Variants in RRP12 observed in about 807,000 individuals in gnomAD.
RRP12 encodes ribosomal RNA processing 12 homolog.
RRP12 carries 78 observed loss-of-function variants against 157.3 expected under a neutral mutation model. The ratio of observed to expected loss-of-function variants is 0.50; its 90% CI spans 0.41 to 0.60. The LOEUF is 0.60. Among genes scored for constraint, RRP12 ranks in the 20% least tolerant of loss-of-function variants. RRP12 has a pLI of 0.00. For synonymous variants in RRP12, 726 were observed against 670.9 expected (o/e 1.08, Z -1.27); for missense variants, 1,521 against 1,679.9 (o/e 0.91, Z 1.65).
chr10:97,366,764 GCTCCTCCTC>G lies in RRP12; in HGVS notation c.3184_3192del (p.Glu1062_Glu1064del). The G allele has an allele frequency of 6.2e-7, 1 of 1,603,414 alleles. No homozygotes were observed. The highest frequency in any genetic ancestry group is 8.5e-7 in the Non-Finnish European group (1 of 1,172,456). ...CACCTGTCACCTTTGCCCTGGGCGGGCTCCTCCTCCTCCTCCTCCTCTTCTTCCTCCTCC... is the reference window on the plus strand; with the variant it reads ...CACCTGTCACCTTTGCCCTGGGCGGGCTCCTCCTCCTCTTCTTCCTCCTCC... On this transcript the variant is annotated inframe_deletion, in exon 27 of 34. Coordinates refer to ENST00000370992, the MANE Select transcript of RRP12 (RefSeq NM_015179.4).
At position 97,358,555 on chromosome 10, in the gene RRP12, C is replaced by T; in HGVS notation, c.3773G>A (p.Arg1258Lys). 6.2e-7 allele frequency: 1 copy of T among 1,613,940 alleles called. No individual in the cohort carries two copies. Among genetic ancestry groups the T allele is most frequent in the Non-Finnish European group, 8.5e-7 (1 of 1,179,912 alleles). Residue 1258 changes from arginine to lysine, a missense_variant, in exon 33 of 34, where the codon AGA (arginine) becomes AAA (lysine). Transcript: ENST00000370992. ...GTCATACCTGCGGTTGAGCTTGCTT[C>T]TGTTGAGGGGGATGTAGGCATAGGG... is the stretch of plus-strand genomic sequence containing the variant. Reference protein sequence around the residue: ...PDPYAYIPLNRSKLNRRKKMK... With the variant: ...PDPYAYIPLNKSKLNRRKKMK...
At chr10:97,388,217 G>GC in intron 8 of RRP12, 35 bp downstream of exon 8, 1 of 1,612,456 alleles carries the variant, frequency 6.2e-7, no homozygotes, top group Non-Finnish European at 8.5e-7. Context: ...ACCACTGCAG[G>GC]TCCCCCTTTC....
intron 31 of RRP12, among the ~76,000 whole-genome samples, chr10:97,360,296 G>T (rs1156793152): frequency 6.6e-6 from 1 of 152,162 alleles, no homozygotes; most frequent in African/African-American, 2.4e-5. Context: ...AAGGAGCTGT[G>T]GCTCAGGGCT....
At chr10:97,396,068 C>G in intron 3 of RRP12, 150 bp downstream of exon 3, 2 of 615,520 alleles carry the variant, frequency 3.2e-6, no homozygotes, top group Non-Finnish European at 5.9e-6. Flanking sequence ...ATACCACCAG[C>G]CTTCCTAAGC....
At chr10:97,395,804 A>T (rs9787454) in intron 3 of RRP12, among the ~76,000 whole-genome samples, 57,095 of 150,112 alleles carry the variant, frequency 0.38, 11,340 homozygotes, top group African/African-American at 0.49. Flanking sequence ...TAAGTTGAGA[A>T]CATGCCATTG....
At chr10:97,374,281 T>C (rs140339185) in intron 15 of RRP12, among the ~76,000 whole-genome samples, 12 of 152,210 alleles carry the variant, frequency 7.9e-5, no homozygotes, top group African/African-American at 2.6e-4. Context: ...GCGATCCTCC[T>C]ACCTCAGCCT....
At chr10:97,387,343 T>C (rs1844662947) in intron 8 of RRP12, among the ~76,000 whole-genome samples, 1 of 150,654 alleles carries the variant, frequency 6.6e-6, no homozygotes, top group Non-Finnish European at 1.5e-5. Context: ...TCCTTTTTTT[T>C]TTTTTTTGAC....
intron 19 of RRP12, among the ~76,000 whole-genome samples, 180 bp downstream of exon 19, chr10:97,372,556 A>G (rs1414994697): frequency 6.6e-6 from 1 of 152,136 alleles, no homozygotes; most frequent in African/African-American, 2.4e-5. Flanking sequence ...TCCCTACCAG[A>G]CTAAATGGCC....
rs1028622277 is a variant in RRP12 at position 97,365,968 on chromosome 10, G to C, written c.3517+140C>G. 49 of 1,104,602 alleles carry C rather than the reference G, an allele frequency of 4.4e-5. 1 individual carries two copies. The East Asian group carries it at 1.1e-3, about 25-fold the overall frequency. 68.4% of individuals were successfully genotyped at this position (1,104,602 alleles called of 1,614,324 possible). A position where few individuals can be genotyped will look rare whatever the true frequency, so the allele number is the denominator to read the frequency against. On this transcript the variant is annotated intron_variant, in intron 29 of 33. Coordinates refer to ENST00000370992, the MANE Select transcript of RRP12 (RefSeq NM_015179.4). ...GATTTCTTAATGTTTCTCAAAAAAA[G>C]TTTGAGAAACTCAAAAAGTTTGAGG...
rs556861228 is a variant in RRP12 at position 97,396,316 on chromosome 10, G to C, written c.370-15C>G. Reference sequence around the variant, plus strand: ...ACAGCACAGATCTGCACAGGAGGGAGAAAGCACTGTGACTATTTTAGACCT... The same window carrying C: ...ACAGCACAGATCTGCACAGGAGGGACAAAGCACTGTGACTATTTTAGACCT... On this transcript the variant is annotated splice_polypyrimidine_tract_variant and intron_variant, in intron 2 of 33. Transcript: ENST00000370992. 5.3e-5 allele frequency: 86 copies of C among 1,607,614 alleles called. 2 individuals are homozygous for C. The South Asian group carries it at 8.8e-4, about 16-fold the overall frequency.
chr10:97,377,977 A>T (rs892507361), intron 15 of RRP12, among the ~76,000 whole-genome samples: 7 of 152,224 alleles, frequency 4.6e-5, no homozygotes, highest in Non-Finnish European at 1.0e-4. Context: ...TTCTGAAGCC[A>T]TCACTAGGCT....
chr10:97,381,574 A>G, intron 11 of RRP12, 91 bp from the exon 12 acceptor site: 2 of 1,256,060 alleles, frequency 1.6e-6, no homozygotes, highest in Non-Finnish European at 2.2e-6. Context: ...GGAGTCTAAG[A>G]AAGCTTCGAA....
intron 3 of RRP12, among the ~76,000 whole-genome samples, chr10:97,394,058 T>C (rs1031607308): frequency 6.6e-6 from 1 of 152,162 alleles, no homozygotes; most frequent in Non-Finnish European, 1.5e-5. Flanking sequence ...ACTATATATA[T>C]GTGGCTGGGC....
intron 15 of RRP12, among the ~76,000 whole-genome samples, chr10:97,375,359 C>A (rs1000723968): frequency 6.6e-6 from 1 of 152,090 alleles, no homozygotes; most frequent in Non-Finnish European, 1.5e-5. Context: ...CTGCCTCAGA[C>A]TCTCAGAGTG....
chr10:97,397,767 CT>C (rs1179964318), intron 2 of RRP12, among the ~76,000 whole-genome samples: 1 of 150,956 alleles, frequency 6.6e-6, no homozygotes, highest in East Asian at 2.0e-4. Context: ...CAAGACCAAT[CT>C]GGGCAATATG....
chr10:97,388,722 T>C, intron 6 of RRP12, 98 bp from the exon 7 acceptor site: 1 of 1,435,240 alleles, frequency 7.0e-7, no homozygotes, highest in East Asian at 2.3e-5. Context: ...TTGGCTGAAA[T>C]ATAGATCCAA....
At position 97,372,713 on chromosome 10, in the gene RRP12, G is replaced by A. The variant is rs1844191237; in HGVS notation, c.2249+23C>T. The A allele has an allele frequency of 3.9e-6, 6 of 1,551,004 alleles. No individual in the cohort carries two copies. The African/African-American group carries it at 5.5e-5, about 14-fold the overall frequency. On this transcript the variant is annotated intron_variant, in intron 19 of 33. Transcript: ENST00000370992. ...AGCTCCCTGGGCTGCTCCAGCTCAA[G>A]TGGGAGGCCCTGAGCATGTTACCTG... is the stretch of plus-strand genomic sequence containing the variant.
chr10:97,401,047 G>A (rs766858734), intron 1 of RRP12, 46 bp downstream of exon 1: 26 of 1,601,126 alleles, frequency 1.6e-5, no homozygotes, highest in Non-Finnish European at 2.2e-5. Context: ...ACCCAGGTCT[G>A]CCTGGAACCC....
rs763828455 is a variant in RRP12 at position 97,373,860 on chromosome 10, T to A, written c.1833A>T (p.Glu611Asp). ...ACTGGAGTGTGTCGTAGATCTTAGATTCCACTGTGCTGCCTGCCTGAGCCA... is the reference window on the plus strand; with the variant it reads ...ACTGGAGTGTGTCGTAGATCTTAGAATCCACTGTGCTGCCTGCCTGAGCCA... ...MDLAQAGSTV[E>D]SKIYDTLQWQ... The change falls in exon 16 of 34, where the codon GAA (glutamate) becomes GAT (aspartate). Residue 611 changes from glutamate to aspartate, a missense_variant. Physicochemically the swap from Glu to Asp is conservative, Grantham distance 45. Transcript: ENST00000370992. The A allele has an allele frequency of 1.2e-6, 2 of 1,613,734 alleles. No individual in the cohort carries two copies. Among genetic ancestry groups the A allele is most frequent in the Non-Finnish European group, 1.7e-6 (2 of 1,179,912 alleles).
Sources: allele counts gnomAD v4.1 joint callset (sites outside exome capture counted in the v4.1 genomes callset), GRCh38; gene constraint gnomAD v4.1.1; transcripts MANE v1.5; gene names NCBI Gene and HGNC (gene_info 2026-07-23, HGNC 2026-07-21).